Variants in IGSF9B observed in about 807,000 individuals in gnomAD.
The protein encoded by IGSF9B is immunoglobulin superfamily member 9B, also known as protein turtle homolog B.
In IGSF9B, 48 loss-of-function variants were observed where a neutral mutation model predicts 143.7. The ratio of observed to expected loss-of-function variants is 0.33; its 90% CI spans 0.26 to 0.42. The LOEUF (loss-of-function observed/expected upper bound fraction) is 0.42, where lower values mean the gene tolerates loss of function less well. Ranked by LOEUF, IGSF9B falls within the 20% of genes least tolerant of loss-of-function variation. IGSF9B has a pLI of 1.00. For missense variants in IGSF9B, 1,706 were observed against 1,980.0 expected (o/e 0.86, Z 2.63); for synonymous variants, 903 against 833.1 (o/e 1.08, Z -1.44).
At chr11:133,923,435 G>A (rs189189549) in intron 15 of IGSF9B, among the ~76,000 whole-genome samples, 3 of 152,302 alleles carry the variant, frequency 2.0e-5, no homozygotes, top group East Asian at 1.9e-4. Context: ...CAAATCTCTC[G>A]TTTCACCATA....
intron 15 of IGSF9B, among the ~76,000 whole-genome samples, chr11:133,924,566 G>A (rs1446286403): frequency 6.6e-6 from 1 of 152,160 alleles, no homozygotes; most frequent in Non-Finnish European, 1.5e-5. Flanking sequence ...GAGAAGATTA[G>A]TTGAATTTCT....
rs895530076 is a variant in IGSF9B at position 133,908,929 on chromosome 11, C to G, written c.*140G>C. The G allele has an allele frequency of 1.4e-6, 1 of 714,554 alleles. No individual in the cohort carries two copies. The highest frequency in any genetic ancestry group is 2.6e-5 in the Admixed American group (1 of 38,492). 44.3% of individuals were successfully genotyped at this position (714,554 alleles called of 1,614,324 possible). A position where few individuals can be genotyped will look rare whatever the true frequency, so the allele number is the denominator to read the frequency against. The stretch of plus-strand genomic sequence containing the variant: ...GCGGCCAGGATCTGGAGGGAGACAC[C>G]CGCTCTGGCAAAAGAGGGGGCATGC... On this transcript the variant is annotated 3_prime_UTR_variant, in exon 20 of 20. Transcript: ENST00000533871.
At chr11:133,933,586 A>C (rs888460615) in intron 7 of IGSF9B, among the ~76,000 whole-genome samples, 2 of 152,176 alleles carry the variant, frequency 1.3e-5, no homozygotes, top group Non-Finnish European at 2.9e-5. Context: ...ACTCTACCAA[A>C]AACATCTTTG....
Position 133,922,739 on chromosome 11 carries a change from A to T in IGSF9B, c.2120-9T>A, listed in dbSNP as rs1314094465. On this transcript the variant is annotated splice_polypyrimidine_tract_variant and intron_variant, in intron 15 of 19. Coordinates refer to ENST00000533871, the MANE Select transcript of IGSF9B (RefSeq NM_001277285.4). Reference sequence around the variant, plus strand: ...CGGCTGCGGGAAGATGTCTGCAGGGAGGGTGGGGAGCACTCATGAGCCCAT... The same window carrying T: ...CGGCTGCGGGAAGATGTCTGCAGGGTGGGTGGGGAGCACTCATGAGCCCAT... 6.4e-7 allele frequency: 1 copy of T among 1,553,578 alleles called. No homozygotes were observed. The highest frequency in any genetic ancestry group is 1.2e-5 in the South Asian group (1 of 84,448).
Position 133,905,582 on chromosome 11 carries a change from C to T in IGSF9B, c.*3487G>A, listed in dbSNP as rs561116802. On this transcript the variant is annotated 3_prime_UTR_variant, in exon 20 of 20. Transcript: ENST00000533871. This position sits in a 1 kb window ranked among gnomAD's most constrained non-coding sequence, Gnocchi z 4.0. Reference sequence around the variant, plus strand: ...AACAAGAAATACTCGGCTCAATCCACCCGGCTTCAGTCTTCCCCCAAGCGC... The same window carrying T: ...AACAAGAAATACTCGGCTCAATCCATCCGGCTTCAGTCTTCCCCCAAGCGC... 7.9e-4 allele frequency among the ~76,000 whole-genome samples: 121 copies of T among 152,348 alleles called. No individual in the cohort carries two copies. The highest frequency in any genetic ancestry group is 2.8e-3 in the African/African-American group (118 of 41,574).
intron 3 of IGSF9B, 182 bp from the exon 4 acceptor site, chr11:133,938,143 C>A: frequency 1.6e-6 from 1 of 641,912 alleles, no homozygotes; most frequent in Non-Finnish European, 2.7e-6. Flanking sequence ...GACCTGCATC[C>A]AAACTCAGGC....
At position 133,931,108 on chromosome 11, in the gene IGSF9B, G is replaced by A. The variant is rs368414739; in HGVS notation, c.1395C>T (p.His465=). The change falls in exon 11 of 20, where the codon CAC becomes CAT. Residue 465 remains histidine (H), a synonymous_variant. Transcript: ENST00000533871. The surrounding 1 kb of genome is among the most constrained non-coding windows in gnomAD (Gnocchi z 7.7). ...RKVGKPSRSK[H]SALPSGSLQF... is the part of the protein sequence containing the mutation. ...GCAGGCTCCCACTGGGCAGGGCACT[G>A]TGCTTGCTTCTGCTGGGCTTCCCTA... 3.1e-6 allele frequency: 5 copies of A among 1,613,358 alleles called. No homozygotes were observed. Among genetic ancestry groups the A allele is most frequent in the Non-Finnish European group, 3.4e-6 (4 of 1,179,528 alleles).
At chr11:133,936,386 C>T (rs1939824126) in intron 5 of IGSF9B, among the ~76,000 whole-genome samples, 192 bp from the exon 6 acceptor site, 1 of 152,164 alleles carries the variant, frequency 6.6e-6, no homozygotes, top group Non-Finnish European at 1.5e-5. Flanking sequence ...CCGCACCAGG[C>T]TCCCCAGACC....
Position 133,922,589 on chromosome 11 carries a change from C to T in IGSF9B, c.2261G>A (p.Arg754His), listed in dbSNP as rs201409996. ...AACFVNKQRKRKLKRKKDPPL... is the reference protein window; with the variant it reads ...AACFVNKQRKHKLKRKKDPPL... Reference sequence around the variant, plus strand: ...CCCACCTTTTTTGCGCTTGAGCTTACGCTTGCGCTGCTTGTTGACAAAGCA... The same window carrying T: ...CCCACCTTTTTTGCGCTTGAGCTTATGCTTGCGCTGCTTGTTGACAAAGCA... Residue 754 changes from arginine (R) to histidine (H), a missense_variant, in exon 16 of 20, where the codon CGT becomes CAT. Physicochemically the swap from Arg to His is conservative, Grantham distance 29. Transcript: ENST00000533871. 5.6e-4 allele frequency: 909 copies of T among 1,611,826 alleles called. No homozygotes were observed. The highest frequency in any genetic ancestry group is 7.4e-4 in the Non-Finnish European group (868 of 1,179,122).
rs778812897 is a variant in IGSF9B, at chr11:133,925,781, G to A, written c.1992C>T (p.Ile664=). The change falls in exon 14 of 20, where the codon ATC becomes ATT. Residue 664 remains isoleucine, a synonymous_variant. Coordinates refer to ENST00000533871, the MANE Select transcript of IGSF9B (RefSeq NM_001277285.4). The part of the protein sequence containing the change: ...AERWELLDDG[I]PGTEGEFFAK... Reference sequence around the variant, plus strand: ...CAAAGAACTCTCCTTCGGTGCCGGGGATGCCATCGTCGAGCAACTCCCAGC... The same window carrying A: ...CAAAGAACTCTCCTTCGGTGCCGGGAATGCCATCGTCGAGCAACTCCCAGC... 1.9e-6 allele frequency: 3 copies of A among 1,613,864 alleles called. No individual in the cohort carries two copies. The South Asian group carries it at 3.3e-5, about 18-fold the overall frequency.
chr11:133,920,003 G>A lies in IGSF9B; in HGVS notation c.3722C>T (p.Pro1241Leu), dbSNP rs1237631294. 3.8e-6 allele frequency: 6 copies of A among 1,582,420 alleles called. No homozygotes were observed. The South Asian group carries it at 4.6e-5, about 12-fold the overall frequency. ...QAEMSEITLQ[P>L]PAAVSFSRKS... is the part of the protein sequence containing the mutation. ...TCGAGAAAAGCTGACTGCAGCCGGC[G>A]GCTGCAGGGTGATCTCTGACATCTC... Residue 1241 changes from proline (P) to leucine (L), a missense_variant, in exon 18 of 20, where the codon CCG becomes CTG. Physicochemically the swap from Pro to Leu is moderately conservative, Grantham distance 98. Transcript: ENST00000533871.
At position 133,920,256 on chromosome 11, in the gene IGSF9B, C is replaced by T. The variant is rs762354679; in HGVS notation, c.3469G>A (p.Ala1157Thr). ...LPYPEPAEPG[A>T]HGGPSTFGLD... ...CCAAATGTGCTGGGGCCGCCGTGCG[C>T]CCCCGGCTCAGCCGGCTCGGGGTAA... Residue 1157 changes from alanine (A) to threonine (T), a missense_variant, in exon 18 of 20, where the codon GCG becomes ACG. Physicochemically the swap from Ala to Thr is moderately conservative, Grantham distance 58. Transcript: ENST00000533871. 9.9e-6 allele frequency: 15 copies of T among 1,518,204 alleles called. No individual in the cohort carries two copies. The highest frequency in any genetic ancestry group is 9.2e-5 in the South Asian group (7 of 76,216). 94.0% of individuals were successfully genotyped at this position (1,518,204 alleles called of 1,614,324 possible). A position where few individuals can be genotyped will look rare whatever the true frequency, so the allele number is the denominator to read the frequency against.
At chr11:133,927,159 G>C in intron 12 of IGSF9B, 68 bp from the exon 13 acceptor site, 2 of 1,303,756 alleles carry the variant, frequency 1.5e-6, no homozygotes, top group Non-Finnish European at 2.1e-6. Context: ...AGAAGAGGGT[G>C]CATGCAGGGT....
Position 133,931,074 on chromosome 11 carries a change from C to A in IGSF9B, c.1429G>T (p.Ala477Ser). The change falls in exon 11 of 20, where the codon GCC (alanine) becomes TCC (serine). Residue 477 changes from alanine (A) to serine (S), a missense_variant. Ala to Ser is a moderately conservative substitution (Grantham distance 99). Around this residue, in one of 7 missense-constraint regions of IGSF9B, gnomAD observed 238 missense variants for 452.6 expected, o/e 0.53. Transcript: ENST00000533871. This position sits in a 1 kb window ranked among gnomAD's most constrained non-coding sequence, Gnocchi z 7.7. ...TCCCCGTGGTCCTCCTTACTCAGGG[C>A]ACGGAACTGCAGGCTCCCACTGGGC... ...ALPSGSLQFRALSKEDHGEWE... is the reference protein window; with the variant it reads ...ALPSGSLQFRSLSKEDHGEWE... 6.2e-7 allele frequency: 1 copy of A among 1,613,822 alleles called. No individual in the cohort carries two copies. Among genetic ancestry groups the A allele is most frequent in the South Asian group, 1.1e-5 (1 of 91,082 alleles).
chr11:133,927,116 A>T, intron 12 of IGSF9B, 25 bp from the exon 13 acceptor site: 1 of 1,519,174 alleles, frequency 6.6e-7, no homozygotes, highest in Non-Finnish European at 8.9e-7. Flanking sequence ...GAGACAGGAT[A>T]GGGGACGAGG....
intron 12 of IGSF9B, among the ~76,000 whole-genome samples, chr11:133,929,397 C>A (rs1343997927): frequency 6.6e-6 from 1 of 152,212 alleles, no homozygotes; most frequent in Non-Finnish European, 1.5e-5. Context: ...AAGCAGGACG[C>A]AAAACGAGGC....
Position 133,903,725 on chromosome 11 carries a change from T to A in IGSF9B, c.*5344A>T. Among the ~76,000 whole-genome samples, 1 of 152,060 alleles carries A rather than the reference T, an allele frequency of 6.6e-6. No homozygotes were observed. Among genetic ancestry groups the A allele is most frequent in the East Asian group, 1.9e-4 (1 of 5,178 alleles). ...GCAACCCAACACACAGAACATCTGG[T>A]GGGGTTATTATACTTGCTCCTGAAA... is the stretch of plus-strand genomic sequence containing the variant. On this transcript the variant is annotated 3_prime_UTR_variant, in exon 20 of 20. Transcript: ENST00000533871.
chr11:133,897,972 C>T lies in IGSF9B; in HGVS notation c.*11097G>A, dbSNP rs1939047677. The T allele has an allele frequency of 6.6e-6, 1 of 152,152 alleles. No individual in the cohort carries two copies. Among genetic ancestry groups the T allele is most frequent in the African/African-American group, 2.4e-5 (1 of 41,412 alleles). The allele number at this position is 152,152 out of a possible 1,614,324, so 9.4% of individuals were successfully genotyped here. ...GAACACAAAAGCCGCCCCTAAGTCA[C>T]CCACCCCAAACCCCTAGGGAAAAAT... is the stretch of plus-strand genomic sequence containing the variant. On this transcript the variant is annotated 3_prime_UTR_variant, in exon 20 of 20. Transcript: ENST00000533871.
Position 133,937,856 on chromosome 11 carries a change from G to T in IGSF9B, c.515C>A (p.Thr172Asn). 1 of 1,611,474 alleles carries T rather than the reference G, an allele frequency of 6.2e-7. No individual in the cohort carries two copies. The highest frequency in any genetic ancestry group is 8.5e-7 in the Non-Finnish European group (1 of 1,178,796). The change falls in exon 4 of 20, where the codon ACC becomes AAC. Residue 172 changes from threonine (T) to asparagine (N), a missense_variant. By Grantham distance (65) the Thr-to-Asn change is moderately conservative (BLOSUM62 0). Coordinates refer to ENST00000533871, the MANE Select transcript of IGSF9B (RefSeq NM_001277285.4). ...TAFGNPKPIVTWLKEGTLLGA... is the reference protein window; with the variant it reads ...TAFGNPKPIVNWLKEGTLLGA... ...GAGGAGCGTCCCCTCCTTGAGCCAG[G>T]TGACAATGGGCTTGGGGTTCCCAAA...
Sources: gnomAD v4.1 joint callset for allele counts (sites outside exome capture counted in the v4.1 genomes callset) on GRCh38, gnomAD v4.1.1 for gene constraint, gnomAD v4.1.1 regional missense constraint, Gnocchi (gnomAD v3.1) non-coding constraint, MANE v1.5 for transcripts, NCBI Gene and HGNC (gene_info 2026-07-23, HGNC 2026-07-21) for gene names.